The following PREPL variants were observed in gnomAD, a reference collection of about 807,000 sequenced individuals.
The protein encoded by PREPL is prolyl endopeptidase-like.
In PREPL, 77 loss-of-function variants were observed where a neutral mutation model predicts 70.6. That is an observed-to-expected ratio of 1.09 (90% CI 0.91 to 1.32). The LOEUF is 1.32. Among genes scored for constraint, PREPL ranks in the 40% most tolerant of loss-of-function variants. The pLI, the probability that PREPL is intolerant of heterozygous loss-of-function variation, is 0.00. For missense variants in PREPL, 1,002 were observed against 778.2 expected (o/e 1.29, Z -3.42); for synonymous variants, 315 against 264.8 (o/e 1.19, Z -1.84).
rs183365746 is a variant in PREPL, at chr2:44,342,539, G to A, written c.363C>T (p.Asp121=). The part of the protein sequence containing the change: ...PNVSSFEWVK[D]EEDEDVLFYT... ...AGAATAAAACATCTTCATCTTCCTCGTCCTTTACCCATTCTGAAAGAAAAT... is the reference window on the plus strand; with the variant it reads ...AGAATAAAACATCTTCATCTTCCTCATCCTTTACCCATTCTGAAAGAAAAT... Residue 121 remains aspartate, a synonymous_variant, in exon 5 of 14, where the codon GAC becomes GAT. Transcript: ENST00000409411. 79 of 1,595,086 alleles carry A rather than the reference G, an allele frequency of 5.0e-5. 1 individual carries two copies. Among genetic ancestry groups the A allele is most frequent in the South Asian group, 4.5e-4 (40 of 89,830 alleles).
At chr2:44,346,193 A>T (rs1675799970) in intron 2 of PREPL, 75 bp downstream of exon 2, 1 of 1,402,640 alleles carries the variant, frequency 7.1e-7, no homozygotes, top group Non-Finnish European at 9.9e-7. Flanking sequence ...CTATGTCTCT[A>T]AATCACCAAG....
intron 3 of PREPL, among the ~76,000 whole-genome samples, 153 bp from the exon 4 acceptor site, chr2:44,344,104 A>G (rs1231503817): frequency 6.6e-6 from 1 of 152,230 alleles, no homozygotes; most frequent in East Asian, 1.9e-4. Context: ...TTGCACATCA[A>G]CTGACAATAA....
chr2:44,326,069 G>A (rs1332618654), intron 10 of PREPL, among the ~76,000 whole-genome samples: 1 of 152,186 alleles, frequency 6.6e-6, no homozygotes, highest in Admixed American at 6.5e-5. Context: ...GGAGCCAAAG[G>A]ACTCAGTGCA....
At chr2:44,347,531 CTTTA>C (rs1421733855) in intron 1 of PREPL, among the ~76,000 whole-genome samples, 1 of 152,114 alleles carries the variant, frequency 6.6e-6, no homozygotes, top group South Asian at 2.1e-4. Context: ...AAGCTGACAG[CTTTA>C]TTTGAGTTCT....
chr2:44,318,252 G>A lies in PREPL; in HGVS notation c.*3104C>T, dbSNP rs145898308. On this transcript the variant is annotated 3_prime_UTR_variant, in exon 14 of 14. Coordinates refer to ENST00000409411, the MANE Select transcript of PREPL (RefSeq NM_001171613.2). ...ATTACAGGTGCACGTCATTATGCCC[G>A]GGTAATTTCTGTATTTTTTAGTAGA... is the stretch of plus-strand genomic sequence containing the variant. 4.7e-3 allele frequency: 1,466 copies of A among 310,640 alleles called. 27 individuals carry two copies. The highest frequency in any genetic ancestry group is 0.031 in the African/African-American group (1,365 of 43,450). The allele number at this position is 310,640 out of a possible 1,614,324, so 19.2% of individuals were successfully genotyped here.
rs1558473523 is a variant in PREPL, at chr2:44,318,085, TCTCA to T, written c.*3267_*3270del. 2.3e-6 allele frequency: 1 copy of T among 427,488 alleles called. No homozygotes were observed. Among genetic ancestry groups the T allele is most frequent in the Non-Finnish European group, 4.6e-6 (1 of 219,002 alleles). 26.5% of individuals were successfully genotyped at this position (427,488 alleles called of 1,614,324 possible). On this transcript the variant is annotated 3_prime_UTR_variant, in exon 14 of 14. Coordinates refer to ENST00000409411, the MANE Select transcript of PREPL (RefSeq NM_001171613.2). ...CATGTGCACAATAATACTTAAAGGA[TCTCA>T]ACACTGTTTTTTTTTTTTTTTGAGA... is the stretch of plus-strand genomic sequence containing the variant.
At position 44,334,934 on chromosome 2, in the gene PREPL, A is replaced by G. The variant is rs527759000; in HGVS notation, c.889-2278T>C. On this transcript the variant is annotated intron_variant, in intron 7 of 13. Transcript: ENST00000409411. ...ATACTGCATAAAGAAATATTTTATA[A>G]TGCACTCACGCTATGGTTAAAGATT... Among the ~76,000 whole-genome samples the G allele has an allele frequency of 9.9e-4, 151 of 152,300 alleles. 1 individual carries two copies. The highest frequency in any genetic ancestry group is 3.5e-3 in the African/African-American group (144 of 41,560).
chr2:44,333,287 GA>G (rs1558496475), intron 7 of PREPL, among the ~76,000 whole-genome samples: 1 of 152,058 alleles, frequency 6.6e-6, no homozygotes, highest in Non-Finnish European at 1.5e-5. Flanking sequence ...TTAACTTTAA[GA>G]AAAAAGGAAA....
chr2:44,348,445 T>C (rs573425021), intron 1 of PREPL, among the ~76,000 whole-genome samples: 1 of 152,316 alleles, frequency 6.6e-6, no homozygotes, highest in South Asian at 2.1e-4. Context: ...TGTTCTGTAA[T>C]TTCCATTAAA....
chr2:44,353,306 A>T (rs1218761097), intron 1 of PREPL, among the ~76,000 whole-genome samples: 1 of 152,138 alleles, frequency 6.6e-6, no homozygotes. Flanking sequence ...ATTACAGGCC[A>T]GGCGCAGTGG....
chr2:44,360,002 C>A, intron 1 of PREPL: 1 of 338,084 alleles, frequency 3.0e-6, no homozygotes, highest in South Asian at 4.4e-5. Flanking sequence ...CAGGCTCAAA[C>A]TATGCAGCAC....
chr2:44,340,735 C>A (rs1053334850), intron 5 of PREPL, among the ~76,000 whole-genome samples: 1 of 152,058 alleles, frequency 6.6e-6, no homozygotes, highest in African/African-American at 2.4e-5. Context: ...CAAGACCACC[C>A]TGGCCAACAT....
At chr2:44,361,812 A>G (rs1677858971), upstream of PREPL, 2 of 1,082,112 alleles carry the variant, frequency 1.8e-6, no homozygotes, top group South Asian at 2.4e-5. Flanking sequence ...GAATGGTGCA[A>G]TGGCGTGACA....
rs1029534284 is a variant in PREPL, at chr2:44,317,729, GAAAAA to G, written c.*3622_*3626del. 6.6e-6 allele frequency: 1 copy of G among 151,408 alleles called. No homozygotes were observed. The highest frequency in any genetic ancestry group is 2.4e-5 in the African/African-American group (1 of 41,082). The allele number at this position is 151,408 out of a possible 1,614,324, so 9.4% of individuals were successfully genotyped here. A position where few individuals can be genotyped will look rare whatever the true frequency, so the allele number is the denominator to read the frequency against. ...TTCAAATTTTCAAAGAATACTAGAAGAAAAAAATTATACAGTCAATCCAACAAAAA... is the reference window on the plus strand; with the variant it reads ...TTCAAATTTTCAAAGAATACTAGAAGAATTATACAGTCAATCCAACAAAAA... On this transcript the variant is annotated 3_prime_UTR_variant, in exon 14 of 14. Coordinates refer to ENST00000409411, the MANE Select transcript of PREPL (RefSeq NM_001171613.2).
At chr2:44,352,088 C>T (rs1445043115) in intron 1 of PREPL, among the ~76,000 whole-genome samples, 3 of 152,196 alleles carry the variant, frequency 2.0e-5, no homozygotes, top group Non-Finnish European at 4.4e-5. Context: ...CAAATACCTC[C>T]TTAAAGCTAT....
chr2:44,354,498 C>A (rs1233393707), intron 1 of PREPL, among the ~76,000 whole-genome samples: 2 of 152,116 alleles, frequency 1.3e-5, no homozygotes, highest in Non-Finnish European at 2.9e-5. Context: ...AACAACTCTC[C>A]CCAAATTCCA....
chr2:44,339,561 C>T (rs1036805299), intron 5 of PREPL, among the ~76,000 whole-genome samples, 198 bp from the exon 6 acceptor site: 1 of 152,136 alleles, frequency 6.6e-6, no homozygotes, highest in African/African-American at 2.4e-5. Flanking sequence ...AAAGGGCATT[C>T]AAAATAATTT....
At chr2:44,332,134 G>C (rs1447290863) in intron 8 of PREPL, among the ~76,000 whole-genome samples, 1 of 151,910 alleles carries the variant, frequency 6.6e-6, no homozygotes, top group East Asian at 1.9e-4. Flanking sequence ...TTTTAGTAGA[G>C]ATGGGGTTTC....
intron 7 of PREPL, among the ~76,000 whole-genome samples, chr2:44,335,905 A>T (rs1197645938): frequency 6.6e-6 from 1 of 152,142 alleles, no homozygotes; most frequent in African/African-American, 2.4e-5. Context: ...ACATGAACAG[A>T]TATTTTTAAA....
Sources: allele counts gnomAD v4.1 joint callset (sites outside exome capture counted in the v4.1 genomes callset), GRCh38; gene constraint gnomAD v4.1.1; transcripts MANE v1.5; gene names NCBI Gene and HGNC (gene_info 2026-07-23, HGNC 2026-07-21).